PDE4D: variants seen among roughly 807,000 people sequenced by gnomAD.
The protein encoded by PDE4D is phosphodiesterase 4D, also known as 3',5'-cyclic-AMP phosphodiesterase 4D.
In PDE4D, 24 loss-of-function variants were observed where a neutral mutation model predicts 87.4. The ratio of observed to expected loss-of-function variants is 0.27; its 90% CI spans 0.20 to 0.39. The LOEUF is 0.39. Ranked by LOEUF, PDE4D falls within the 10% of genes least tolerant of loss-of-function variation. The pLI is 1.00. For missense variants in PDE4D, 714 were observed against 1,041.0 expected (o/e 0.69, Z 4.32); for synonymous variants, 384 against 383.2 (o/e 1.00, Z -0.02).
chr5:59,813,382 C>A (rs1310481307), intron 1 of PDE4D, among the ~76,000 whole-genome samples: 1 of 151,882 alleles, frequency 6.6e-6, no homozygotes, highest in South Asian at 2.1e-4. Flanking sequence ...CCAGTACCAG[C>A]TTTAATGTTT....
rs1018601961 is a variant in PDE4D at position 58,972,350 on chromosome 5, A to T, written c.*2314T>A. On this transcript the variant is annotated 3_prime_UTR_variant, in exon 15 of 15. Transcript: ENST00000340635. ...ACCATCTGATCTTTACAGAGGAAAC[A>T]GAGTAGAAACCTTGCAATTAACTAG... 2 of 152,638 alleles carry T rather than the reference A, an allele frequency of 1.3e-5. No homozygotes were observed. Among genetic ancestry groups the T allele is most frequent in the African/African-American group, 2.4e-5 (1 of 41,466 alleles). 9.5% of individuals were successfully genotyped at this position (152,638 alleles called of 1,614,324 possible).
chr5:59,162,509 C>G (rs906791730), intron 5 of PDE4D, among the ~76,000 whole-genome samples: 1 of 151,930 alleles, frequency 6.6e-6, no homozygotes, highest in Non-Finnish European at 1.5e-5. Flanking sequence ...TGAGGGAGAA[C>G]TATTATCTAA....
intron 5 of PDE4D, among the ~76,000 whole-genome samples, chr5:59,101,139 T>C (rs1242960944): frequency 6.6e-6 from 1 of 152,160 alleles, no homozygotes; most frequent in Non-Finnish European, 1.5e-5. Context: ...GATGCTCTTC[T>C]TGAGCAGGCA....
chr5:59,720,892 T>C (rs774653610), intron 1 of PDE4D, among the ~76,000 whole-genome samples: 2 of 152,114 alleles, frequency 1.3e-5, no homozygotes, highest in Non-Finnish European at 2.9e-5. Flanking sequence ...AGATAGAATT[T>C]CCATTATTTG....
intron 1 of PDE4D, among the ~76,000 whole-genome samples, chr5:59,487,096 T>C (rs948959459): frequency 8.5e-5 from 13 of 152,194 alleles, no homozygotes; most frequent in African/African-American, 2.7e-4. Context: ...TTTTAACACC[T>C]GTGATCTAAA....
intron 1 of PDE4D, among the ~76,000 whole-genome samples, chr5:59,642,272 T>C (rs1245346174): frequency 6.6e-6 from 1 of 151,962 alleles, no homozygotes; most frequent in Non-Finnish European, 1.5e-5. Context: ...TTAATTTTAC[T>C]AAAAAATATT....
At chr5:59,422,377 G>T (rs1794614292) in intron 1 of PDE4D, among the ~76,000 whole-genome samples, 1 of 152,014 alleles carries the variant, frequency 6.6e-6, no homozygotes, top group Non-Finnish European at 1.5e-5. Flanking sequence ...AACATTATGG[G>T]CCAAGTCCAA....
intron 1 of PDE4D, among the ~76,000 whole-genome samples, chr5:59,246,824 C>T (rs766798536): frequency 6.6e-6 from 1 of 152,094 alleles, no homozygotes; most frequent in Non-Finnish European, 1.5e-5. Flanking sequence ...TGATCTTTAT[C>T]CAGATGAAGT....
intron 1 of PDE4D, among the ~76,000 whole-genome samples, chr5:59,319,991 G>A (rs1358670609): frequency 6.6e-6 from 1 of 151,938 alleles, no homozygotes; most frequent in Admixed American, 6.6e-5. Flanking sequence ...AAGCAGTGAA[G>A]CAAAACTACC....
At chr5:59,065,117 CACACACATAT>C (rs1763732799) in intron 5 of PDE4D, among the ~76,000 whole-genome samples, 1 of 128,102 alleles carries the variant, frequency 7.8e-6, no homozygotes, top group African/African-American at 3.3e-5. Flanking sequence ...CACACACACA[CACACACATAT>C]ACAATGAAAT....
chr5:59,413,065 A>G (rs773729222), intron 1 of PDE4D, among the ~76,000 whole-genome samples: 1 of 152,210 alleles, frequency 6.6e-6, no homozygotes, highest in Non-Finnish European at 1.5e-5. Flanking sequence ...GCCTGTGGCA[A>G]TTGCACTTGC....
At chr5:59,739,534 GC>G (rs1758557539) in intron 1 of PDE4D, among the ~76,000 whole-genome samples, 1 of 152,110 alleles carries the variant, frequency 6.6e-6, no homozygotes. Context: ...AATATTTGCA[GC>G]CTCAATGTTA....
At chr5:59,854,057 A>T (rs745532713) in intron 1 of PDE4D, among the ~76,000 whole-genome samples, 10 of 152,030 alleles carry the variant, frequency 6.6e-5, no homozygotes, top group Admixed American at 6.6e-4. Flanking sequence ...TTGGGTGAAA[A>T]ATGTATGCAT....
chr5:59,738,973 C>A (rs546225795), intron 1 of PDE4D, among the ~76,000 whole-genome samples: 1 of 151,674 alleles, frequency 6.6e-6, no homozygotes, highest in Non-Finnish European at 1.5e-5. Flanking sequence ...GAACATTGAC[C>A]TGAGGGTGAG....
chr5:59,381,106 C>T (rs1404035053), intron 1 of PDE4D, among the ~76,000 whole-genome samples: 1 of 152,140 alleles, frequency 6.6e-6, no homozygotes, highest in Non-Finnish European at 1.5e-5. Context: ...TTACAATGCC[C>T]TTTAATTCCA....
intron 6 of PDE4D, among the ~76,000 whole-genome samples, chr5:59,007,704 C>CAGAA (rs914990235): frequency 6.6e-6 from 1 of 152,046 alleles, no homozygotes; most frequent in African/African-American, 2.4e-5. Context: ...CTATTCCTTT[C>CAGAA]AGTAAATGAA....
At chr5:59,262,830 A>G (rs984555762) in intron 1 of PDE4D, among the ~76,000 whole-genome samples, 7 of 151,978 alleles carry the variant, frequency 4.6e-5, no homozygotes, top group African/African-American at 7.2e-5. Flanking sequence ...TGTGCAACAC[A>G]TTTATCAGCA....
At chr5:59,535,377 G>A (rs981334831) in intron 1 of PDE4D, among the ~76,000 whole-genome samples, 9 of 152,154 alleles carry the variant, frequency 5.9e-5, no homozygotes, top group African/African-American at 2.2e-4. Context: ...AAGAACTAAT[G>A]CTTGAAAATA....
At chr5:59,851,338 C>T (rs1561765990) in intron 1 of PDE4D, among the ~76,000 whole-genome samples, 1 of 151,994 alleles carries the variant, frequency 6.6e-6, no homozygotes, top group Non-Finnish European at 1.5e-5. Context: ...GAATTCTTGA[C>T]CCATAGAAAC....
Sources: gnomAD v4.1 joint callset for allele counts (sites outside exome capture counted in the v4.1 genomes callset) on GRCh38, gnomAD v4.1.1 for gene constraint, MANE v1.5 for transcripts, NCBI Gene and HGNC (gene_info 2026-07-23, HGNC 2026-07-21) for gene names.